The following TXNRD2 variants were observed in gnomAD, a reference collection of about 807,000 sequenced individuals.
TXNRD2 encodes thioredoxin reductase 2.
A neutral mutation model predicts 70.8 loss-of-function variants in TXNRD2; 67 were observed. That is an observed-to-expected ratio of 0.95 (90% CI 0.78 to 1.16). The LOEUF is 1.16. Among genes scored for constraint, TXNRD2 ranks in the 50% most tolerant of loss-of-function variants. TXNRD2 has a pLI of 0.00. For synonymous variants in TXNRD2, 301 were observed against 295.8 expected (o/e 1.02, Z -0.18); for missense variants, 644 against 719.9 (o/e 0.89, Z 1.21).
intron 10 of TXNRD2, among the ~76,000 whole-genome samples, chr22:19,896,214 C>T (rs1001253807): frequency 2.0e-5 from 3 of 151,686 alleles, no homozygotes; most frequent in Non-Finnish European, 4.4e-5. Context: ...AGGAGAATGG[C>T]GTGAACCCGG....
intron 2 of TXNRD2, among the ~76,000 whole-genome samples, chr22:19,920,168 A>AGGGTG: frequency 6.6e-6 from 1 of 152,308 alleles, no homozygotes. Flanking sequence ...GACCAGCCCC[A>AGGGTG]GAGCAGGAGC....
intron 2 of TXNRD2, among the ~76,000 whole-genome samples, chr22:19,930,560 C>T (rs943252389): frequency 1.3e-5 from 2 of 152,072 alleles, no homozygotes; most frequent in African/African-American, 4.8e-5. Flanking sequence ...GACCATGGAC[C>T]CTGGGGGAAG....
chr22:19,928,805 G>C (rs1481110518), intron 2 of TXNRD2, among the ~76,000 whole-genome samples: 1 of 152,042 alleles, frequency 6.6e-6, no homozygotes, highest in African/African-American at 2.4e-5. Context: ...CCAGAAGTTC[G>C]AGACCAGCTT....
chr22:19,918,053 G>T, intron 5 of TXNRD2, 90 bp downstream of exon 5: 1 of 1,144,972 alleles, frequency 8.7e-7, no homozygotes, highest in Non-Finnish European at 1.3e-6. Context: ...GCCAGAGCAT[G>T]CTCTGCACAG....
rs986019665 is a variant in TXNRD2 at position 19,933,426 on chromosome 22, GTCCCTACCT to G, written c.104-2337_104-2329del. ...GGTAGCCGGAAGCTTTGCTCAGAAC[GTCCCTACCT>G]TCCATGGCAGGTGCCTGTCCTTCTT... is the stretch of plus-strand genomic sequence containing the variant. On this transcript the variant is annotated intron_variant, in intron 1 of 17. Coordinates refer to ENST00000400521, the MANE Select transcript of TXNRD2 (RefSeq NM_006440.5). 5 of 1,288,570 alleles carry G rather than the reference GTCCCTACCT, an allele frequency of 3.9e-6. No individual in the cohort carries two copies. In the Admixed American group the frequency reaches 9.2e-5, roughly 24 times the overall value. 79.8% of individuals were successfully genotyped at this position (1,288,570 alleles called of 1,614,324 possible).
intron 2 of TXNRD2, among the ~76,000 whole-genome samples, chr22:19,929,563 T>C (rs1941281095): frequency 6.6e-6 from 1 of 152,006 alleles, no homozygotes. Context: ...AGGTAGAGAT[T>C]AGGACATAGA....
At chr22:19,937,354 T>C (rs998075600) in intron 1 of TXNRD2, among the ~76,000 whole-genome samples, 2 of 152,228 alleles carry the variant, frequency 1.3e-5, no homozygotes, top group Admixed American at 1.3e-4. Flanking sequence ...TCTTTTACTA[T>C]TGTTAAACAG....
In TXNRD2 at chr22:19,929,143, C is replaced by T. The variant is rs147632622; in HGVS notation, c.172+1887G>A. Reference sequence around the variant, plus strand: ...GAGATTGAGACCATCCTGGTTAACACAGTGAAACCCCGTCTCTACTAAAAA... The same window carrying T: ...GAGATTGAGACCATCCTGGTTAACATAGTGAAACCCCGTCTCTACTAAAAA... On this transcript the variant is annotated intron_variant, in intron 2 of 17. Coordinates refer to ENST00000400521, the MANE Select transcript of TXNRD2 (RefSeq NM_006440.5). Among the ~76,000 whole-genome samples, 290 of 151,242 alleles carry T rather than the reference C, an allele frequency of 1.9e-3. 1 individual carries two copies. Among genetic ancestry groups the T allele is most frequent in the African/African-American group, 6.7e-3 (277 of 41,156 alleles).
Position 19,915,748 on chromosome 22 carries a change from G to C in TXNRD2, c.528+17C>G. The C allele has an allele frequency of 6.2e-7, 1 of 1,613,666 alleles. No individual in the cohort carries two copies. Among genetic ancestry groups the C allele is most frequent in the South Asian group, 1.1e-5 (1 of 91,080 alleles). On this transcript the variant is annotated intron_variant, in intron 6 of 17. Transcript: ENST00000400521. ...GAAGGGTCCACAAGGAGCCACGCGA[G>C]TAAGTCAGATGCTCACCTCTTTCCC...
intron 8 of TXNRD2, among the ~76,000 whole-genome samples, chr22:19,902,345 G>T (rs1157627895): frequency 1.3e-5 from 2 of 152,336 alleles, no homozygotes; most frequent in African/African-American, 2.4e-5. Flanking sequence ...AATTGGAATG[G>T]GGGGAGGAAG....
At chr22:19,933,418 C>T (rs1941436565) in intron 1 of TXNRD2, 1 of 1,288,114 alleles carries the variant, frequency 7.8e-7, no homozygotes, top group African/African-American at 1.5e-5. Flanking sequence ...GGAAGCTTTG[C>T]TCAGAACGTC....
In TXNRD2 at chr22:19,899,177, G is replaced by A. The variant is rs1209121714; in HGVS notation, c.663-109C>T. 9 of 1,413,096 alleles carry A rather than the reference G, an allele frequency of 6.4e-6. No homozygotes were observed. In the East Asian group the frequency reaches 6.9e-5, roughly 11 times the overall value. 87.5% of individuals were successfully genotyped at this position (1,413,096 alleles called of 1,614,324 possible). ...TGCCCAGGCCCTTGGTCAGCTCGTGGGCTCCAAGGTTACTGTTCAAACAGC... is the reference window on the plus strand; with the variant it reads ...TGCCCAGGCCCTTGGTCAGCTCGTGAGCTCCAAGGTTACTGTTCAAACAGC... On this transcript the variant is annotated intron_variant, in intron 8 of 17. Transcript: ENST00000400521.
At chr22:19,914,158 C>A (rs1940531976) in intron 7 of TXNRD2, among the ~76,000 whole-genome samples, 1 of 152,222 alleles carries the variant, frequency 6.6e-6, no homozygotes. Context: ...AAAACACAGT[C>A]ATTGTGGAAA....
In TXNRD2 at chr22:19,883,316, A is replaced by G. The variant is rs766257548; in HGVS notation, c.1086+9T>C. Reference sequence around the variant, plus strand: ...GGCAGGGGCCCTGGTCCCGGGACGCATGCCGTACCTCCACCACGTCACCAA... The same window carrying G: ...GGCAGGGGCCCTGGTCCCGGGACGCGTGCCGTACCTCCACCACGTCACCAA... On this transcript the variant is annotated intron_variant, in intron 12 of 17. Transcript: ENST00000400521. 14 of 1,612,606 alleles carry G rather than the reference A, an allele frequency of 8.7e-6. No homozygotes were observed. In the South Asian group the frequency reaches 8.8e-5, roughly 10 times the overall value.
rs183942451 is a variant in TXNRD2 at position 19,925,220 on chromosome 22, C to T, written c.173-5621G>A. Among the ~76,000 whole-genome samples the T allele has an allele frequency of 5.2e-3, 796 of 151,906 alleles. 9 individuals are homozygous for T. Among genetic ancestry groups the T allele is most frequent in the Non-Finnish European group, 7.8e-3 (533 of 67,972 alleles). On this transcript the variant is annotated intron_variant, in intron 2 of 17. Transcript: ENST00000400521. The stretch of plus-strand genomic sequence containing the variant: ...AATGGCGCAAACCCGGGAGGCAGAG[C>T]TTGCAGTGAGCTGAGATCGCACCAC...
At chr22:19,909,773 AC>A (rs1940276848) in intron 8 of TXNRD2, among the ~76,000 whole-genome samples, 2 of 67,382 alleles carry the variant, frequency 3.0e-5, no homozygotes, top group African/African-American at 6.0e-5. Context: ...ACACACACAC[AC>A]CACACACACC....
intron 8 of TXNRD2, among the ~76,000 whole-genome samples, chr22:19,905,931 AAT>A (rs1491050494): frequency 4.6e-5 from 7 of 151,568 alleles, no homozygotes; most frequent in African/African-American, 1.7e-4. Flanking sequence ...AAAAAAAAAA[AAT>A]CTTGGGGGTG....
intron 11 of TXNRD2, chr22:19,895,059 A>G: frequency 6.3e-7 from 1 of 1,585,342 alleles, no homozygotes; most frequent in Non-Finnish European, 8.5e-7. Flanking sequence ...TTAATAAGCA[A>G]TTGCTCAAGG....
In TXNRD2 at chr22:19,912,368, G is replaced by C. The variant is rs75784186; in HGVS notation, c.592-921C>G. Among the ~76,000 whole-genome samples, 300 of 152,322 alleles carry C rather than the reference G, an allele frequency of 2.0e-3. 1 individual carries two copies. The highest frequency in any genetic ancestry group is 6.5e-3 in the African/African-American group (271 of 41,542). On this transcript the variant is annotated intron_variant, in intron 7 of 17. Transcript: ENST00000400521. ...ACACCCTGGGAGGGCGTGGCAGGGA[G>C]AGCGAAGCAGCCCTGAGCTGCCTGC...
Sources: allele counts gnomAD v4.1 joint callset (sites outside exome capture counted in the v4.1 genomes callset), GRCh38; gene constraint gnomAD v4.1.1; transcripts MANE v1.5; gene names NCBI Gene and HGNC (gene_info 2026-07-23, HGNC 2026-07-21).